Variants in NRG3 observed in about 807,000 individuals in gnomAD.
NRG3 encodes pro-neuregulin-3, membrane-bound isoform.
In NRG3, 31 loss-of-function variants were observed where a neutral mutation model predicts 66.9. The ratio of observed to expected loss-of-function variants is 0.46; its 90% CI spans 0.35 to 0.63. The LOEUF is 0.63. Ranked by LOEUF, NRG3 falls within the 20% of genes least tolerant of loss-of-function variation. NRG3 has a pLI of 0.00. For missense variants in NRG3, 910 were observed against 878.9 expected (o/e 1.04, Z -0.45); for synonymous variants, 393 against 359.4 (o/e 1.09, Z -1.06).
At chr10:82,784,472 T>A (rs1208041865) in intron 3 of NRG3, among the ~76,000 whole-genome samples, 1 of 152,116 alleles carries the variant, frequency 6.6e-6, no homozygotes, top group Non-Finnish European at 1.5e-5. Context: ...GACAAAAGGC[T>A]AATATCCAGA....
At chr10:82,502,812 G>C (rs888888998) in intron 2 of NRG3, among the ~76,000 whole-genome samples, 1 of 152,028 alleles carries the variant, frequency 6.6e-6, no homozygotes, top group African/African-American at 2.4e-5. Context: ...TTATATAACT[G>C]TCTGTGGAGA....
chr10:82,936,606 C>T (rs1327147489), intron 4 of NRG3, among the ~76,000 whole-genome samples: 1 of 152,142 alleles, frequency 6.6e-6, no homozygotes, highest in Non-Finnish European at 1.5e-5. Flanking sequence ...AGTGTATATT[C>T]AGTCTTTTCC....
At chr10:82,542,953 A>G (rs1042081673) in intron 2 of NRG3, among the ~76,000 whole-genome samples, 1 of 151,452 alleles carries the variant, frequency 6.6e-6, no homozygotes, top group African/African-American at 2.4e-5. Flanking sequence ...GCACAATGGC[A>G]AGATCTTGGC....
At chr10:82,145,738 G>GA (rs2132699836) in intron 1 of NRG3, among the ~76,000 whole-genome samples, 1 of 152,292 alleles carries the variant, frequency 6.6e-6, no homozygotes, top group South Asian at 2.1e-4. Context: ...GTTCACGTTG[G>GA]ATAGTAAGTA....
chr10:82,059,569 C>T (rs542849374), intron 1 of NRG3, among the ~76,000 whole-genome samples: 1 of 152,296 alleles, frequency 6.6e-6, no homozygotes, highest in African/African-American at 2.4e-5. Context: ...AACTAGATAT[C>T]TATTGAATAA....
intron 3 of NRG3, among the ~76,000 whole-genome samples, chr10:82,834,173 C>T (rs899503420): frequency 2.0e-5 from 3 of 152,140 alleles, no homozygotes; most frequent in African/African-American, 7.2e-5. Context: ...TTTTTGATTT[C>T]AGGCTGTGCC....
chr10:81,903,012 G>A (rs893667470), intron 1 of NRG3, among the ~76,000 whole-genome samples: 2 of 152,004 alleles, frequency 1.3e-5, no homozygotes, highest in Non-Finnish European at 2.9e-5. Flanking sequence ...GAAAAAAAAG[G>A]AAACCTGAAG....
intron 1 of NRG3, among the ~76,000 whole-genome samples, chr10:81,948,452 A>G (rs1182774824): frequency 1.3e-5 from 2 of 152,198 alleles, no homozygotes; most frequent in Non-Finnish European, 2.9e-5. Context: ...GGTTCTGGCC[A>G]TGTGAGGATT....
intron 1 of NRG3, among the ~76,000 whole-genome samples, chr10:82,351,536 G>A (rs372237690): frequency 2.3e-4 from 35 of 152,152 alleles, no homozygotes; most frequent in Non-Finnish European, 4.1e-4. Context: ...CTGTGCTGGA[G>A]AAGCATGAAA....
intron 3 of NRG3, among the ~76,000 whole-genome samples, chr10:82,778,981 C>T (rs1329656777): frequency 6.6e-6 from 1 of 151,980 alleles, no homozygotes; most frequent in Non-Finnish European, 1.5e-5. Flanking sequence ...TGGTACTTTT[C>T]CCTGTACGAG....
At chr10:82,738,675 C>G (rs374506590) in intron 3 of NRG3, 25 bp downstream of exon 3, 14 of 1,587,352 alleles carry the variant, frequency 8.8e-6, no homozygotes, top group Middle Eastern at 1.7e-4. Flanking sequence ...TTTCTTCTCT[C>G]TAATGCAATA....
intron 1 of NRG3, among the ~76,000 whole-genome samples, chr10:82,272,534 A>G (rs2078650614): frequency 6.6e-6 from 1 of 152,016 alleles, no homozygotes; most frequent in Non-Finnish European, 1.5e-5. Context: ...TTTGGTGGCT[A>G]TTTATGTAGA....
chr10:82,439,944 G>A (rs1303763363), intron 2 of NRG3, among the ~76,000 whole-genome samples: 1 of 151,898 alleles, frequency 6.6e-6, no homozygotes, highest in African/African-American at 2.4e-5. Flanking sequence ...TTGTTGCTTT[G>A]TTTTGTTTTA....
intron 1 of NRG3, among the ~76,000 whole-genome samples, chr10:81,979,853 T>A (rs2060269899): frequency 2.0e-5 from 3 of 152,178 alleles, no homozygotes; most frequent in Non-Finnish European, 2.9e-5. Context: ...TAACCCAGGT[T>A]ATAGTCAGTC....
At chr10:82,250,770 G>A (rs1004940218) in intron 1 of NRG3, among the ~76,000 whole-genome samples, 22 of 152,078 alleles carry the variant, frequency 1.4e-4, no homozygotes, top group Admixed American at 9.8e-4. Context: ...CCCCATCTAC[G>A]TCACAAGCCA....
chr10:81,900,787 A>G (rs757699905), intron 1 of NRG3, among the ~76,000 whole-genome samples: 2 of 152,218 alleles, frequency 1.3e-5, no homozygotes, highest in Non-Finnish European at 2.9e-5. Context: ...GTAAACATCA[A>G]AATATTCAGG....
intron 1 of NRG3, among the ~76,000 whole-genome samples, chr10:81,952,192 GTAAC>G (rs956790879): frequency 1.3e-5 from 2 of 152,152 alleles, no homozygotes; most frequent in Non-Finnish European, 1.5e-5. Context: ...GTATGCATAT[GTAAC>G]TAACCTGCAC....
In NRG3 at chr10:81,875,275, G is replaced by GCGCCCC; in HGVS notation, c.-66_-65insCGCCCC. 1 of 966,806 alleles carries GCGCCCC rather than the reference G, an allele frequency of 1.0e-6. No individual in the cohort carries two copies. The highest frequency in any genetic ancestry group is 1.2e-6 in the Non-Finnish European group (1 of 817,164). The allele number at this position is 966,806 out of a possible 1,614,324, so 59.9% of individuals were successfully genotyped here. ...GGAGCCCGCGCCCGCGCCCGCGCCCGGCCCGCGCGGCCCCATGCCTCTGCC... is the reference window on the plus strand; with the variant it reads ...GGAGCCCGCGCCCGCGCCCGCGCCCGCGCCCCGCCCGCGCGGCCCCATGCCTCTGCC... On this transcript the variant is annotated 5_prime_UTR_variant, in exon 1 of 9. Coordinates refer to ENST00000372141, the MANE Select transcript of NRG3 (RefSeq NM_001010848.4). This position sits in a 1 kb window ranked among gnomAD's most constrained non-coding sequence, Gnocchi z 5.3.
chr10:82,244,894 C>T (rs760065086), intron 1 of NRG3, among the ~76,000 whole-genome samples: 13 of 151,858 alleles, frequency 8.6e-5, no homozygotes, highest in South Asian at 6.2e-4. Flanking sequence ...CCACCATGCC[C>T]GGCTAATTTT....
Sources: gnomAD v4.1 joint callset for allele counts (sites outside exome capture counted in the v4.1 genomes callset) on GRCh38, gnomAD v4.1.1 for gene constraint, Gnocchi (gnomAD v3.1) non-coding constraint, MANE v1.5 for transcripts, NCBI Gene and HGNC (gene_info 2026-07-23, HGNC 2026-07-21) for gene names.